Variants in SCLY observed in about 807,000 individuals in gnomAD.
SCLY encodes the protein selenocysteine lyase.
In SCLY, 38 loss-of-function variants were observed where a neutral mutation model predicts 50.1. The observed-to-expected ratio is 0.76, with a 90% confidence interval of 0.59 to 0.99. The LOEUF (loss-of-function observed/expected upper bound fraction) is 0.99, where lower values mean the gene tolerates loss of function less well. Among genes scored for constraint, SCLY ranks in the 50% least tolerant of loss-of-function variants. The pLI is 0.00. For synonymous variants in SCLY, 243 were observed against 249.4 expected (o/e 0.97, Z 0.24); for missense variants, 600 against 620.0 (o/e 0.97, Z 0.34).
At chr2:238,091,531 TGTCAA>T in intron 8 of SCLY, 5 of 394,892 alleles carry the variant, frequency 1.3e-5, no homozygotes, top group East Asian at 4.7e-5. Context: ...AGAGGTGAAG[TGTCAA>T]GCTGCAGGTT....
intron 7 of SCLY, among the ~76,000 whole-genome samples, chr2:238,086,608 AG>A (rs1222925862): frequency 6.8e-6 from 1 of 146,002 alleles, no homozygotes; most frequent in Non-Finnish European, 1.5e-5. Context: ...CAGGAGGCTG[AG>A]GGGGAAGGAT....
intron 4 of SCLY, among the ~76,000 whole-genome samples, chr2:238,077,556 CA>C (rs1445392836): frequency 6.6e-6 from 1 of 152,220 alleles, no homozygotes; most frequent in Non-Finnish European, 1.5e-5. Flanking sequence ...AAGACCACCT[CA>C]GCATAGATGG....
Position 238,067,944 on chromosome 2 carries a change from A to T in SCLY, c.203-121A>T. 1.5e-6 allele frequency: 1 copy of T among 657,520 alleles called. No individual in the cohort carries two copies. The highest frequency in any genetic ancestry group is 2.1e-5 in the South Asian group (1 of 46,694). The allele number at this position is 657,520 out of a possible 1,614,324, so 40.7% of individuals were successfully genotyped here. ...TTTGCTGTGCTCACATTAAGGGGCC[A>T]GGTTTTGTCTTAGAACGGCCCACGC... On this transcript the variant is annotated intron_variant, in intron 2 of 11. Coordinates refer to ENST00000254663, the MANE Select transcript of SCLY (RefSeq NM_016510.7). The surrounding 1 kb of genome is among the most constrained non-coding windows in gnomAD (Gnocchi z 4.3).
rs754755963 is a variant in SCLY at position 238,094,453 on chromosome 2, A to T, written c.1039A>T (p.Ser347Cys). The change falls in exon 10 of 12, where the codon AGC (serine) becomes TGC (cysteine). Residue 347 changes from serine (S) to cysteine (C), a missense_variant. By Grantham distance (112) the Ser-to-Cys change is moderately radical. Transcript: ENST00000254663. ...EFGQKRIHLNSQFPGTQRLPN... is the reference protein window; with the variant it reads ...EFGQKRIHLNCQFPGTQRLPN... ...CGGTCAGAAGAGAATCCATCTGAAT[A>T]GCCAGTTTCCAGGCACCCAGCGGCT... 2.5e-5 allele frequency: 41 copies of T among 1,614,076 alleles called. No homozygotes were observed. The South Asian group carries it at 3.7e-4, about 15-fold the overall frequency.
chr2:238,061,545 CG>C (rs2065018833), intron 1 of SCLY, among the ~76,000 whole-genome samples: 1 of 152,170 alleles, frequency 6.6e-6, no homozygotes, highest in South Asian at 2.1e-4. Context: ...AAGTTGATCA[CG>C]GGGCGATGCA....
At position 238,067,388 on chromosome 2, in the gene SCLY, C is replaced by CA. The variant is rs1335974099; in HGVS notation, c.203-671dup. Among the ~76,000 whole-genome samples the CA allele has an allele frequency of 6.6e-6, 1 of 152,136 alleles. No individual in the cohort carries two copies. Among genetic ancestry groups the CA allele is most frequent in the South Asian group, 2.1e-4 (1 of 4,830 alleles). On this transcript the variant is annotated intron_variant, in intron 2 of 11. Transcript: ENST00000254663. The surrounding 1 kb of genome is among the most constrained non-coding windows in gnomAD (Gnocchi z 4.3). ...TTATTTTTAAATAAGACTGAATGGTCAAAAAAGTTTGGGGACTCCTGGTGT... is the reference window on the plus strand; with the variant it reads ...TTATTTTTAAATAAGACTGAATGGTCAAAAAAAGTTTGGGGACTCCTGGTGT...
chr2:238,068,349 G>A (rs2065095072), intron 3 of SCLY, 184 bp downstream of exon 3: 5 of 445,504 alleles, frequency 1.1e-5, no homozygotes, highest in African/African-American at 4.1e-5. Flanking sequence ...AGGAGTTTGC[G>A]ACCTCCCTGA....
intron 7 of SCLY, among the ~76,000 whole-genome samples, chr2:238,089,905 G>A (rs59388404): frequency 0.14 from 21,239 of 152,090 alleles, 1,633 homozygotes; most frequent in South Asian, 0.27. Context: ...TCCATAAAAG[G>A]AAAAATTGAT....
chr2:238,084,153 C>T (rs1250754629), intron 7 of SCLY, among the ~76,000 whole-genome samples: 1 of 152,212 alleles, frequency 6.6e-6, no homozygotes, highest in East Asian at 1.9e-4. Flanking sequence ...ACACCACCAC[C>T]GGGTGTGTCA....
intron 2 of SCLY, chr2:238,064,984 G>A (rs1405628738): frequency 1.3e-5 from 2 of 152,290 alleles, no homozygotes; most frequent in Admixed American, 6.5e-5. Context: ...TTTGCTTCAA[G>A]TCAGTTATAT....
intron 4 of SCLY, among the ~76,000 whole-genome samples, chr2:238,078,042 C>T (rs1367318601): frequency 6.6e-6 from 1 of 151,988 alleles, no homozygotes; most frequent in East Asian, 1.9e-4. Flanking sequence ...CCACCTACGC[C>T]TCCCAGGTTC....
chr2:238,075,538 T>A (rs529242270), intron 4 of SCLY, among the ~76,000 whole-genome samples: 2 of 152,340 alleles, frequency 1.3e-5, no homozygotes, highest in East Asian at 3.9e-4. Context: ...TTTAAGTTAC[T>A]GATTCAGTCT....
rs1383178030 is a variant in SCLY at position 238,069,480 on chromosome 2, G to C, written c.484+3G>C. 1.2e-6 allele frequency: 2 copies of C among 1,610,434 alleles called. No homozygotes were observed. Among genetic ancestry groups the C allele is most frequent in the South Asian group, 2.2e-5 (2 of 90,728 alleles). On this transcript the variant is annotated splice_donor_region_variant and intron_variant, in intron 4 of 11. Transcript: ENST00000254663. The surrounding 1 kb of genome is among the most constrained non-coding windows in gnomAD (Gnocchi z 5.0). ...CCTGGTGGAAGAACAAGTGGCAGGT[G>C]AGTGAGTGCAGGGTGGCCCTGGGAC...
intron 4 of SCLY, among the ~76,000 whole-genome samples, chr2:238,073,233 T>C (rs186959605): frequency 5.9e-5 from 9 of 152,348 alleles, no homozygotes; most frequent in East Asian, 1.9e-4. Flanking sequence ...TGTTCTTAGA[T>C]TGGTACCAAA....
At chr2:238,061,787 T>C (rs2065021140) in intron 1 of SCLY, among the ~76,000 whole-genome samples, 1 of 152,152 alleles carries the variant, frequency 6.6e-6, no homozygotes, top group Non-Finnish European at 1.5e-5. Context: ...GGAAACGGGA[T>C]GGCCACCGCT....
chr2:238,081,787 C>T lies in SCLY; in HGVS notation c.563C>T (p.Thr188Ile). Residue 188 changes from threonine (T) to isoleucine (I), a missense_variant, in exon 5 of 12, where the codon ACA becomes ATA. Physicochemically the swap from Thr to Ile is moderately conservative, Grantham distance 89. Coordinates refer to ENST00000254663, the MANE Select transcript of SCLY (RefSeq NM_016510.7). ...DDILAAVRPT[T>I]RLVTIMLANN... The stretch of plus-strand genomic sequence containing the variant: ...ATCCTCGCGGCAGTCCGCCCGACCA[C>T]ACGCCTCGTGACCATCATGCTGGCC... 6.2e-7 allele frequency: 1 copy of T among 1,614,204 alleles called. No homozygotes were observed. The highest frequency in any genetic ancestry group is 8.5e-7 in the Non-Finnish European group (1 of 1,180,042).
intron 7 of SCLY, among the ~76,000 whole-genome samples, chr2:238,090,658 ATTAAG>A (rs1218331536): frequency 1.3e-5 from 2 of 152,222 alleles, no homozygotes; most frequent in African/African-American, 4.8e-5. Context: ...GAAATTAATT[ATTAAG>A]TTAATTTTTT....
At chr2:238,061,834 C>A (rs2106433164) in intron 1 of SCLY, among the ~76,000 whole-genome samples, 1 of 152,302 alleles carries the variant, frequency 6.6e-6, no homozygotes, top group Non-Finnish European at 1.5e-5. Context: ...GGTATCCATA[C>A]TAGTTAAGTC....
At chr2:238,078,334 A>G (rs1443604710) in intron 4 of SCLY, among the ~76,000 whole-genome samples, 2 of 152,162 alleles carry the variant, frequency 1.3e-5, no homozygotes, top group African/African-American at 4.8e-5. Context: ...TACTATTGAC[A>G]TAGTTGGAGT....
Sources: gnomAD v4.1 joint callset for allele counts (sites outside exome capture counted in the v4.1 genomes callset) on GRCh38, gnomAD v4.1.1 for gene constraint, Gnocchi (gnomAD v3.1) non-coding constraint, MANE v1.5 for transcripts, NCBI Gene and HGNC (gene_info 2026-07-23, HGNC 2026-07-21) for gene names.